The following SSX2IP variants were observed in gnomAD, a reference collection of about 807,000 sequenced individuals.
SSX2IP encodes the protein afadin- and alpha-actinin-binding protein.
In SSX2IP, 55 loss-of-function variants were observed where a neutral mutation model predicts 84.9. The ratio of observed to expected loss-of-function variants is 0.65; its 90% CI spans 0.52 to 0.81. The LOEUF (loss-of-function observed/expected upper bound fraction) is 0.81. Among genes scored for constraint, SSX2IP ranks in the 30% least tolerant of loss-of-function variants. The pLI is 0.00. For missense variants in SSX2IP, 664 were observed against 705.2 expected (o/e 0.94, Z 0.66); for synonymous variants, 239 against 234.7 (o/e 1.02, Z -0.17).
At chr1:84,654,141 A>G (rs1650734734) in intron 11 of SSX2IP, among the ~76,000 whole-genome samples, 1 of 152,208 alleles carries the variant, frequency 6.6e-6, no homozygotes, top group South Asian at 2.1e-4. Context: ...GAGAAGTCAA[A>G]GAAGGAAAAA....
chr1:84,652,173 G>C (rs1283097500), intron 11 of SSX2IP, 176 bp from the exon 12 acceptor site: 27 of 540,402 alleles, frequency 5.0e-5, no homozygotes. Flanking sequence ...TGTAATCCCA[G>C]TATTTTGGGA....
intron 11 of SSX2IP, among the ~76,000 whole-genome samples, chr1:84,654,314 T>C (rs967175048): frequency 6.6e-6 from 1 of 151,976 alleles, no homozygotes; most frequent in Non-Finnish European, 1.5e-5. Flanking sequence ...GTAACACAGG[T>C]ATATTACAAT....
At chr1:84,653,912 TAAAGAA>T (rs1480748812) in intron 11 of SSX2IP, among the ~76,000 whole-genome samples, 2 of 152,060 alleles carry the variant, frequency 1.3e-5, no homozygotes, top group African/African-American at 2.4e-5. Flanking sequence ...TCATGCTATA[TAAAGAA>T]AAGCAAAAAT....
intron 11 of SSX2IP, among the ~76,000 whole-genome samples, chr1:84,653,718 G>A (rs1650666065): frequency 6.6e-6 from 1 of 152,170 alleles, no homozygotes; most frequent in Admixed American, 6.5e-5. Context: ...GCAACACACA[G>A]TCTTTCATTC....
At chr1:84,662,034 C>T (rs1339332870) in intron 8 of SSX2IP, among the ~76,000 whole-genome samples, 164 bp downstream of exon 8, 1 of 152,132 alleles carries the variant, frequency 6.6e-6, no homozygotes, top group Non-Finnish European at 1.5e-5. Flanking sequence ...TCTGAAAACA[C>T]ATAGGAACAG....
upstream of SSX2IP, chr1:84,690,644 G>C (rs1304230885): frequency 6.6e-6 from 1 of 152,216 alleles, no homozygotes; most frequent in African/African-American, 2.4e-5. Flanking sequence ...TGCATTGGTC[G>C]GGTGGGGGCC....
intron 13 of SSX2IP, among the ~76,000 whole-genome samples, chr1:84,648,770 T>C (rs1649803313): frequency 1.3e-5 from 2 of 152,354 alleles, no homozygotes; most frequent in South Asian, 4.1e-4. Context: ...GAAAATACTA[T>C]AAGCTTACAC....
At chr1:84,677,356 T>C (rs1654501115) in intron 1 of SSX2IP, among the ~76,000 whole-genome samples, 1 of 152,204 alleles carries the variant, frequency 6.6e-6, no homozygotes, top group Admixed American at 6.5e-5. Context: ...TCTTGTTTTT[T>C]CTGGTTAATC....
In SSX2IP at chr1:84,656,030, G is replaced by A. The variant is rs1044632887; in HGVS notation, c.1216-25C>T. 6 of 1,596,398 alleles carry A rather than the reference G, an allele frequency of 3.8e-6. No individual in the cohort carries two copies. The Admixed American group carries it at 6.9e-5, about 18-fold the overall frequency. ...GCTATTAAAATTTAAAACATAGTAA[G>A]TTCCTGAGGGACCTTGCGACACTCC... On this transcript the variant is annotated intron_variant, in intron 10 of 13. Coordinates refer to ENST00000342203, the MANE Select transcript of SSX2IP (RefSeq NM_001166293.2).
rs1443035639 is a variant in SSX2IP, at chr1:84,666,159, C to T, written c.500G>A (p.Arg167Lys). 5 of 1,612,336 alleles carry T rather than the reference C, an allele frequency of 3.1e-6. No homozygotes were observed. The highest frequency in any genetic ancestry group is 4.2e-6 in the Non-Finnish European group (5 of 1,179,196). ...ERDRQLQCKN[R>K]NLHQLLKNEK... is the part of the protein sequence containing the mutation. ...ATTCTTTAGTAGCTGATGCAAATTCCTGTTCTTACATTGTAACTGTCTGTC... is the reference window on the plus strand; with the variant it reads ...ATTCTTTAGTAGCTGATGCAAATTCTTGTTCTTACATTGTAACTGTCTGTC... Residue 167 changes from arginine (R) to lysine (K), a missense_variant, in exon 5 of 14, where the codon AGG becomes AAG. Arg to Lys is a conservative substitution (Grantham distance 26, BLOSUM62 2). Coordinates refer to ENST00000342203, the MANE Select transcript of SSX2IP (RefSeq NM_001166293.2).
intron 9 of SSX2IP, 29 bp from the exon 10 acceptor site, chr1:84,656,513 G>A: frequency 6.3e-7 from 1 of 1,595,176 alleles, no homozygotes; most frequent in Non-Finnish European, 8.5e-7. Flanking sequence ...GTTGACATAG[G>A]TCTTATAGCC....
intron 1 of SSX2IP, among the ~76,000 whole-genome samples, chr1:84,684,522 G>A (rs1655522241): frequency 2.0e-5 from 3 of 152,072 alleles, no homozygotes; most frequent in Non-Finnish European, 2.9e-5. Context: ...CTTAGAGGAT[G>A]GGGGGAAACT....
chr1:84,652,026 T>C (rs1650328806), intron 11 of SSX2IP, 29 bp from the exon 12 acceptor site: 2 of 1,519,724 alleles, frequency 1.3e-6, no homozygotes, highest in Non-Finnish European at 1.8e-6. Flanking sequence ...GAAATAATGA[T>C]CAATATTTCA....
intron 10 of SSX2IP, among the ~76,000 whole-genome samples, 158 bp downstream of exon 10, chr1:84,656,190 T>C (rs1651085944): frequency 6.6e-6 from 1 of 152,120 alleles, no homozygotes; most frequent in African/African-American, 2.4e-5. Flanking sequence ...TATGGACTAT[T>C]TAAGGAGTGG....
In SSX2IP at chr1:84,646,437, TA is replaced by T. The variant is rs980073878; in HGVS notation, c.*995del. ...ATTTCTTCAGTGGTAAATACCTCAT[TA>T]AAAAATTATTAAAAAATTATTGACA... On this transcript the variant is annotated 3_prime_UTR_variant, in exon 14 of 14. Coordinates refer to ENST00000342203, the MANE Select transcript of SSX2IP (RefSeq NM_001166293.2). 6 of 152,650 alleles carry T rather than the reference TA, an allele frequency of 3.9e-5. No individual in the cohort carries two copies. The highest frequency in any genetic ancestry group is 9.6e-5 in the African/African-American group (4 of 41,528). 9.5% of individuals were successfully genotyped at this position (152,650 alleles called of 1,614,324 possible).
chr1:84,644,669 A>C lies in SSX2IP; in HGVS notation c.*2764T>G, dbSNP rs1649269463. On this transcript the variant is annotated 3_prime_UTR_variant, in exon 14 of 14. Transcript: ENST00000342203. ...CTCTCCTGGAGTCCCAAGGGCTTTC[A>C]AATGTTCCACCAGGGGCAGTCAAGA... 1 of 152,198 alleles carries C rather than the reference A, an allele frequency of 6.6e-6. No individual in the cohort carries two copies. The highest frequency in any genetic ancestry group is 6.5e-5 in the Admixed American group (1 of 15,284). The allele number at this position is 152,198 out of a possible 1,614,324, so 9.4% of individuals were successfully genotyped here.
intron 1 of SSX2IP, among the ~76,000 whole-genome samples, chr1:84,686,027 T>C (rs1655733125): frequency 6.6e-6 from 1 of 152,240 alleles, no homozygotes; most frequent in Non-Finnish European, 1.5e-5. Flanking sequence ...ACAATTCTTT[T>C]AGAACAATAT....
intron 3 of SSX2IP, chr1:84,670,190 T>C (rs1653358943): frequency 5.2e-6 from 1 of 192,866 alleles, no homozygotes; most frequent in Admixed American, 5.9e-5. Flanking sequence ...TAAAAATAAA[T>C]GTGAATTATT....
At chr1:84,647,736 T>G in intron 13 of SSX2IP, 129 bp from the exon 14 acceptor site, 1 of 626,856 alleles carries the variant, frequency 1.6e-6, no homozygotes, top group Non-Finnish European at 2.3e-6. Flanking sequence ...AAAAATATAA[T>G]TTAAAATTTT....
Sources: gnomAD v4.1 joint callset for allele counts (sites outside exome capture counted in the v4.1 genomes callset) on GRCh38, gnomAD v4.1.1 for gene constraint, MANE v1.5 for transcripts, NCBI Gene and HGNC (gene_info 2026-07-23, HGNC 2026-07-21) for gene names.